ANO7: variants seen among roughly 807,000 people sequenced by gnomAD.
ANO7 encodes the protein anoctamin-7.
In ANO7, 114 loss-of-function variants were observed where a neutral mutation model predicts 115.8. The ratio of observed to expected loss-of-function variants is 0.98; its 90% CI spans 0.85 to 1.15. The LOEUF is 1.15. ANO7 is among the 50% of genes most tolerant of loss of function. The probability of loss-of-function intolerance (pLI) is 0.00; values close to 1 mark genes in which losing one functional copy is unlikely to be tolerated. For synonymous variants in ANO7, 550 were observed against 498.2 expected (o/e 1.10, Z -1.38); for missense variants, 1,302 against 1,201.2 (o/e 1.08, Z -1.24).
chr2:241,204,403 G>A (rs888350933), intron 9 of ANO7, among the ~76,000 whole-genome samples: 21 of 141,214 alleles, frequency 1.5e-4, no homozygotes, highest in African/African-American at 5.4e-4. Flanking sequence ...TGCGGCTGTG[G>A]TCAGATGAGG....
chr2:241,229,784 G>GGCCCCCCC, downstream of ANO7: 3 of 1,502,536 alleles, frequency 2.0e-6, no homozygotes, highest in Non-Finnish European at 2.7e-6. Context: ...AAGCCCGCCT[G>GGCCCCCCC]CCCGCCCACC....
chr2:241,234,635 C>A, the ANO7 span, among the ~76,000 whole-genome samples: 1 of 152,238 alleles, frequency 6.6e-6, no homozygotes, highest in Non-Finnish European at 1.5e-5. Context: ...GTCAGCCCTG[C>A]CAGAGGCTGG....
chr2:241,239,572 G>A, the ANO7 span: 1 of 1,584,914 alleles, frequency 6.3e-7, no homozygotes, highest in African/African-American at 1.3e-5. This position sits in a 1 kb window ranked among gnomAD's most constrained non-coding sequence, Gnocchi z 4.6. Context: ...TGGGGGGTGA[G>A]AACCCCTCCC....
the ANO7 span, among the ~76,000 whole-genome samples, chr2:241,233,052 G>A: frequency 4.6e-5 from 7 of 152,254 alleles, no homozygotes; most frequent in Non-Finnish European, 7.4e-5. This position sits in a 1 kb window ranked among gnomAD's most constrained non-coding sequence, Gnocchi z 4.3. Context: ...AGCGAGGGGC[G>A]TGGAGGGGCT....
At chr2:241,230,177 G>A, downstream of ANO7, 3 of 1,613,556 alleles carry the variant, frequency 1.9e-6, no homozygotes, top group East Asian at 2.2e-5. This position sits in a 1 kb window ranked among gnomAD's most constrained non-coding sequence, Gnocchi z 5.0. Flanking sequence ...GATTGAGGAT[G>A]TGGTCGATGG....
chr2:241,218,392 C>A lies in ANO7; in HGVS notation c.2321+11C>A. 2 of 1,354,680 alleles carry A rather than the reference C, an allele frequency of 1.5e-6. No homozygotes were observed. Among genetic ancestry groups the A allele is most frequent in the Non-Finnish European group, 1.9e-6 (2 of 1,047,252 alleles). The allele number at this position is 1,354,680 out of a possible 1,614,324, so 83.9% of individuals were successfully genotyped here. On this transcript the variant is annotated intron_variant, in intron 21 of 24. Transcript: ENST00000674324. Reference sequence around the variant, plus strand: ...CAACCGCACGTGCAGGTGAGCCCCGCGCCAGGTGGAGGGGGCCGCGGGCGC... The same window carrying A: ...CAACCGCACGTGCAGGTGAGCCCCGAGCCAGGTGGAGGGGGCCGCGGGCGC...
the ANO7 span, among the ~76,000 whole-genome samples, chr2:241,237,670 A>G: frequency 7.1e-3 from 1,078 of 152,318 alleles, 11 homozygotes; most frequent in African/African-American, 0.024. Flanking sequence ...TCCTTGTTCT[A>G]AGAAAATACC....
At chr2:241,196,062 A>G (rs2068320750) in intron 4 of ANO7, 2 of 1,421,270 alleles carry the variant, frequency 1.4e-6, no homozygotes, top group Non-Finnish European at 1.8e-6. Context: ...CTGCACACTC[A>G]GCTCTCTCAT....
intron 4 of ANO7, among the ~76,000 whole-genome samples, chr2:241,198,019 G>A (rs1239183117): frequency 6.6e-6 from 1 of 152,196 alleles, no homozygotes; most frequent in Non-Finnish European, 1.5e-5. Flanking sequence ...CATTGCTGGT[G>A]GCGTGTGTGA....
the ANO7 span, chr2:241,238,898 G>T: frequency 1.2e-6 from 1 of 816,488 alleles, no homozygotes; most frequent in Non-Finnish European, 1.8e-6. The surrounding 1 kb of genome is among the most constrained non-coding windows in gnomAD (Gnocchi z 4.9). Context: ...CAGCCACTTG[G>T]CACAGATGCT....
intron 21 of ANO7, among the ~76,000 whole-genome samples, chr2:241,220,932 C>T (rs1181993776): frequency 6.6e-6 from 1 of 151,290 alleles, no homozygotes; most frequent in Non-Finnish European, 1.5e-5. Context: ...GATGGCGCCA[C>T]TGCACTCCAG....
At chr2:241,191,886 G>T (rs1243382270) in intron 3 of ANO7, among the ~76,000 whole-genome samples, 3 of 152,256 alleles carry the variant, frequency 2.0e-5, no homozygotes, top group African/African-American at 7.2e-5. Flanking sequence ...GTTCCTCAGA[G>T]AATTCAGCAC....
In ANO7 at chr2:241,211,369, C is replaced by A. The variant is rs746023253; in HGVS notation, c.1562-725C>A. Among the ~76,000 whole-genome samples, 7 of 152,300 alleles carry A rather than the reference C, an allele frequency of 4.6e-5. No individual in the cohort carries two copies. In the South Asian group the frequency reaches 1.2e-3, roughly 27 times the overall value. ...CTCATTTCCTGAGGACAAACACTTACGACCAACCTATTCATTCCATAAGCT... is the reference window on the plus strand; with the variant it reads ...CTCATTTCCTGAGGACAAACACTTAAGACCAACCTATTCATTCCATAAGCT... On this transcript the variant is annotated intron_variant, in intron 15 of 24. Coordinates refer to ENST00000674324, the MANE Select transcript of ANO7 (RefSeq NM_001370694.2).
At chr2:241,238,396 C>T in the ANO7 span, 1 of 327,952 alleles carries the variant, frequency 3.0e-6, no homozygotes, top group African/African-American at 2.1e-5. The surrounding 1 kb of genome is among the most constrained non-coding windows in gnomAD (Gnocchi z 4.9). Flanking sequence ...CTGCACGCTC[C>T]TCATCGCCTT....
In ANO7 at chr2:241,203,985, C is replaced by A. The variant is rs1011299769; in HGVS notation, c.889+487C>A. ...CTTCCCCATCCTGGGTCAGACCCAA[C>A]CCCTTCATTCTGTGCCCCAGAACTT... On this transcript the variant is annotated intron_variant, in intron 9 of 24. Coordinates refer to ENST00000674324, the MANE Select transcript of ANO7 (RefSeq NM_001370694.2). This position sits in a 1 kb window ranked among gnomAD's most constrained non-coding sequence, Gnocchi z 4.8. Among the ~76,000 whole-genome samples the A allele has an allele frequency of 2.0e-5, 3 of 152,222 alleles. No individual in the cohort carries two copies. The highest frequency in any genetic ancestry group is 4.4e-5 in the Non-Finnish European group (3 of 68,040).
At chr2:241,212,786 G>C (rs1264633450) in intron 17 of ANO7, 160 bp downstream of exon 17, 2 of 736,942 alleles carry the variant, frequency 2.7e-6, no homozygotes, top group Non-Finnish European at 4.5e-6. Context: ...AGGGCTCCCA[G>C]CCTCTCTTCA....
chr2:241,229,980 A>G (rs2069541334), downstream of ANO7: 1 of 1,587,194 alleles, frequency 6.3e-7, no homozygotes, highest in Non-Finnish European at 8.6e-7. Context: ...AGAAGACAGG[A>G]AGACAGGGTC....
intron 6 of ANO7, among the ~76,000 whole-genome samples, chr2:241,201,012 C>G (rs2011792): frequency 4.6e-5 from 7 of 152,124 alleles, no homozygotes; most frequent in Non-Finnish European, 5.9e-5. Flanking sequence ...TGCTTCCCCC[C>G]ACCCTGTGTG....
downstream of ANO7, chr2:241,230,915 G>A (rs764853208): frequency 5.1e-5 from 82 of 1,614,048 alleles, no homozygotes; most frequent in Admixed American, 8.3e-5. The surrounding 1 kb of genome is among the most constrained non-coding windows in gnomAD (Gnocchi z 5.0). Context: ...TGTTCTTTTC[G>A]TACCCTGTGA....
Sources: allele counts gnomAD v4.1 joint callset (sites outside exome capture counted in the v4.1 genomes callset), GRCh38; gene constraint gnomAD v4.1.1; non-coding constraint Gnocchi (gnomAD v3.1); transcripts MANE v1.5; gene names NCBI Gene and HGNC (gene_info 2026-07-23, HGNC 2026-07-21).